Variants in PARP1 observed in about 807,000 individuals in gnomAD.
PARP1 encodes poly(ADP-ribose) polymerase 1.
PARP1 carries 44 observed loss-of-function variants against 118.7 expected under a neutral mutation model. The ratio of observed to expected loss-of-function variants is 0.37; its 90% CI spans 0.29 to 0.48. The LOEUF is 0.48. Ranked by LOEUF, PARP1 falls within the 20% of genes least tolerant of loss-of-function variation. PARP1 has a pLI of 0.99. For synonymous variants in PARP1, 492 were observed against 483.2 expected, an observed-to-expected ratio of 1.02 and a Z score of -0.24; for missense variants, 1,100 against 1,272.4, an observed-to-expected ratio of 0.86 and a Z score of 2.06.
chr1:226,366,922 G>C (rs764903736), intron 17 of PARP1: 4 of 186,308 alleles, frequency 2.1e-5, no homozygotes, highest in Non-Finnish European at 3.4e-5. Context: ...TAGGCTCAAG[G>C]ACCGGGCCAT....
At chr1:226,379,682 T>C in intron 10 of PARP1, 41 bp from the exon 11 acceptor site, 1 of 1,521,120 alleles carries the variant, frequency 6.6e-7, no homozygotes, top group Non-Finnish European at 9.1e-7. Context: ...AAGTTAAATG[T>C]AACTAAAAAG....
At chr1:226,365,235 C>A (rs13306128) in intron 18 of PARP1, 81 bp from the exon 19 acceptor site, 7 of 1,446,206 alleles carry the variant, frequency 4.8e-6, no homozygotes, top group South Asian at 2.3e-5. Flanking sequence ...ACTGGATACA[C>A]GAGAAATGAC....
Position 226,367,792 on chromosome 1 carries a change from G to A in PARP1, c.2278-184C>T, listed in dbSNP as rs1412089615. ...AGAGCTCATAAGGACTTTCTGGAAT[G>A]TTAACAAGGCCTTGTGGCCTGGGGG... On this transcript the variant is annotated intron_variant, in intron 16 of 22. Coordinates refer to ENST00000366794, the MANE Select transcript of PARP1 (RefSeq NM_001618.4). Among the ~76,000 whole-genome samples, 4 of 152,344 alleles carry A rather than the reference G, an allele frequency of 2.6e-5. No homozygotes were observed. In the East Asian group the frequency reaches 7.7e-4, roughly 29 times the overall value.
In PARP1 at chr1:226,366,038, A is replaced by G; in HGVS notation, c.2421T>C (p.Asp807=). 1 of 1,612,098 alleles carries G rather than the reference A, an allele frequency of 6.2e-7. No homozygotes were observed. Among genetic ancestry groups the G allele is most frequent in the Non-Finnish European group, 8.5e-7 (1 of 1,178,144 alleles). ...TCCTGATGATCTCGGCTTCTTCAGA[A>G]TCTCTGTCAACCACCTGGATAAACA... ...LKTDIKVVDR[D]SEEAEIIRKY... Residue 807 remains aspartate, a synonymous_variant, in exon 18 of 23, where the codon GAT becomes GAC. Coordinates refer to ENST00000366794, the MANE Select transcript of PARP1 (RefSeq NM_001618.4).
At chr1:226,405,428 G>A (rs1308669662) in intron 1 of PARP1, among the ~76,000 whole-genome samples, 1 of 152,034 alleles carries the variant, frequency 6.6e-6, no homozygotes, top group African/African-American at 2.4e-5. Flanking sequence ...TTCAGCCTCC[G>A]GAGTAGCTGG....
In PARP1 at chr1:226,381,087, G is replaced by A. The variant is rs2102736220; in HGVS notation, c.1281C>T (p.Ser427=). 1 of 1,614,178 alleles carries A rather than the reference G, an allele frequency of 6.2e-7. No homozygotes were observed. ...ACTCACTTTTGGTGCTGATGCACAG[G>A]GAAGCCTTGTTGGCCGTCCCCGTCA... The part of the protein sequence containing the change: ...GKLTGTANKA[S]LCISTKKEVE... The change falls in exon 9 of 23, where the codon TCC becomes TCT. Residue 427 remains serine (S), a synonymous_variant. Coordinates refer to ENST00000366794, the MANE Select transcript of PARP1 (RefSeq NM_001618.4).
In PARP1 at chr1:226,386,350, C is replaced by T. The variant is rs1664717561; in HGVS notation, c.810G>A (p.Gln270=). 2 of 1,612,504 alleles carry T rather than the reference C, an allele frequency of 1.2e-6. No homozygotes were observed. The highest frequency in any genetic ancestry group is 1.3e-5 in the African/African-American group (1 of 74,900). ...DLKELLIFNK[Q]QVPSGESAIL... ...CCGCCGACTCCCCAGAAGGCACTTG[C>T]TGCTTGTTGAAGATGAGTAGCTCCT... The change falls in exon 6 of 23, where the codon CAG becomes CAA. Residue 270 remains glutamine (Q), a synonymous_variant. Transcript: ENST00000366794.
chr1:226,370,630 G>T, intron 14 of PARP1, 113 bp from the exon 15 acceptor site: 1 of 840,416 alleles, frequency 1.2e-6, no homozygotes, highest in Non-Finnish European at 2.0e-6. Flanking sequence ...TCAGGAGCCT[G>T]CTGGGATTTC....
rs910253422 is a variant in PARP1 at position 226,379,077 on chromosome 1, C to A, written c.1745+65G>T. 2.5e-6 allele frequency: 4 copies of A among 1,602,522 alleles called. No homozygotes were observed. In the African/African-American group the frequency reaches 4.0e-5, roughly 16 times the overall value. ...AACGGGTTTCACAAGGCTGATGGCA[C>A]AGCACTAACCAATGCAGGACGGGCC... On this transcript the variant is annotated intron_variant, in intron 12 of 22. Transcript: ENST00000366794.
chr1:226,366,764 G>T (rs994377543), intron 17 of PARP1: 1 of 160,474 alleles, frequency 6.2e-6, no homozygotes, highest in African/African-American at 2.4e-5. Flanking sequence ...GGACCCATAG[G>T]TCTATACTTT....
At chr1:226,361,905 A>G (rs1026253376) in intron 22 of PARP1, 64 bp downstream of exon 22, 5 of 984,900 alleles carry the variant, frequency 5.1e-6, no homozygotes, top group East Asian at 2.4e-5. Flanking sequence ...CTGACAGCAC[A>G]TAAGTGACTC....
intron 2 of PARP1, among the ~76,000 whole-genome samples, chr1:226,396,123 A>G (rs1664911826): frequency 6.6e-6 from 1 of 152,222 alleles, no homozygotes; most frequent in African/African-American, 2.4e-5. Context: ...AGGCAGGTAG[A>G]TCACCTGAGG....
At chr1:226,370,833 TGATGTGCA>T (rs1664369327) in intron 14 of PARP1, 1 of 386,320 alleles carries the variant, frequency 2.6e-6, no homozygotes, top group Non-Finnish European at 5.0e-6. Context: ...CATCCAATTC[TGATGTGCA>T]GATGAGGGCT....
intron 1 of PARP1, among the ~76,000 whole-genome samples, chr1:226,403,851 C>T (rs1411612103): frequency 6.6e-6 from 1 of 152,184 alleles, no homozygotes; most frequent in Non-Finnish European, 1.5e-5. Flanking sequence ...ATTAAAACAG[C>T]ATTAAAAGTA....
chr1:226,374,234 C>T lies in PARP1; in HGVS notation c.2062G>A (p.Glu688Lys), dbSNP rs2102732183. 1 of 1,614,100 alleles carries T rather than the reference C, an allele frequency of 6.2e-7. No homozygotes were observed. The highest frequency in any genetic ancestry group is 8.5e-7 in the Non-Finnish European group (1 of 1,180,018). ...TGATAAAGCGCAATAACCTCATACTCCACCATGGCTTTCTTCATACTTTCC... is the reference window on the plus strand; with the variant it reads ...TGATAAAGCGCAATAACCTCATACTTCACCATGGCTTTCTTCATACTTTCC... ...DVESMKKAMVEYEIDLQKMPL... is the reference protein window; with the variant it reads ...DVESMKKAMVKYEIDLQKMPL... Residue 688 changes from glutamate (E) to lysine (K), a missense_variant, in exon 14 of 23, where the codon GAG (glutamate) becomes AAG (lysine). Transcript: ENST00000366794.
chr1:226,363,485 G>C (rs955133356), intron 20 of PARP1, among the ~76,000 whole-genome samples: 16 of 152,174 alleles, frequency 1.1e-4, no homozygotes. Flanking sequence ...ACATGACCTT[G>C]TGCTTTTGGT....
At chr1:226,370,123 A>G (rs1664349000) in intron 15 of PARP1, among the ~76,000 whole-genome samples, 1 of 152,108 alleles carries the variant, frequency 6.6e-6, no homozygotes, top group Non-Finnish European at 1.5e-5. Flanking sequence ...CCTGGAACCA[A>G]TCCCCGAGGA....
chr1:226,383,016 C>CG lies in PARP1; in HGVS notation c.1159+19dup. 1.2e-6 allele frequency: 2 copies of CG among 1,612,166 alleles called. No individual in the cohort carries two copies. The highest frequency in any genetic ancestry group is 1.7e-6 in the Non-Finnish European group (2 of 1,179,630). ...AATTCCTGCAAAGCAGCTCTAAGAC[C>CG]GGGGTCCCAAATGCTGTACCTGCTG... is the stretch of plus-strand genomic sequence containing the variant. On this transcript the variant is annotated intron_variant, in intron 8 of 22. Transcript: ENST00000366794.
Position 226,363,127 on chromosome 1 carries a change from C to G in PARP1, c.2820G>C (p.Lys940Asn), listed in dbSNP as rs773554330. The change falls in exon 21 of 23, where the codon AAG becomes AAC. Residue 940 changes from lysine (K) to asparagine (N), a missense_variant. Physicochemically the swap from Lys to Asn is moderately conservative, Grantham distance 94. Around this residue, in one of 2 missense-constraint regions of PARP1, gnomAD observed 152 missense variants for 240.6 expected, o/e 0.63. Transcript: ENST00000366794. ...YELKHASHIS[K>N]LPKGKHSVKG... ...TGACACTGTGCTTGCCCTTGGGTAACTTGCTGATATGTGAAGCGTGCTTCA... is the reference window on the plus strand; with the variant it reads ...TGACACTGTGCTTGCCCTTGGGTAAGTTGCTGATATGTGAAGCGTGCTTCA... 5.0e-6 allele frequency: 8 copies of G among 1,613,826 alleles called. No individual in the cohort carries two copies. The Admixed American group carries it at 1.3e-4, about 27-fold the overall frequency.
Sources: gnomAD v4.1 joint callset for allele counts (sites outside exome capture counted in the v4.1 genomes callset) on GRCh38, gnomAD v4.1.1 for gene constraint, gnomAD v4.1.1 regional missense constraint, MANE v1.5 for transcripts, NCBI Gene and HGNC (gene_info 2026-07-23, HGNC 2026-07-21) for gene names.